RFX4: variants seen among roughly 807,000 people sequenced by gnomAD.
RFX4 encodes transcription factor RFX4.
In RFX4, 10 loss-of-function variants were observed where a neutral mutation model predicts 95.0. That is an observed-to-expected ratio of 0.11 (90% CI 0.06 to 0.18). The LOEUF is 0.18. Among genes scored for constraint, RFX4 ranks in the 10% least tolerant of loss-of-function variants. The probability of loss-of-function intolerance (pLI) is 1.00; values close to 1 mark genes in which losing one functional copy is unlikely to be tolerated. For synonymous variants in RFX4, 321 were observed against 340.7 expected (o/e 0.94, Z 0.64); for missense variants, 640 against 922.0 (o/e 0.69, Z 3.96).
intron 15 of RFX4, among the ~76,000 whole-genome samples, chr12:106,735,215 C>T (rs554023752): frequency 4.0e-5 from 6 of 151,862 alleles, no homozygotes; most frequent in African/African-American, 7.2e-5. Context: ...ATCAGTAAAC[C>T]GAAAGACTGA....
chr12:106,614,549 C>T (rs1055227248), intron 2 of RFX4, among the ~76,000 whole-genome samples: 1 of 149,458 alleles, frequency 6.7e-6, no homozygotes, highest in African/African-American at 2.5e-5. Context: ...CGCTCTATTG[C>T]CCAGGCTGGA....
At chr12:106,754,881 C>G (rs746273476) in intron 17 of RFX4, among the ~76,000 whole-genome samples, 17 of 152,316 alleles carry the variant, frequency 1.1e-4, no homozygotes, top group South Asian at 4.1e-4. Flanking sequence ...TGGTTTATGC[C>G]TTAGTCTCCA....
intron 1 of RFX4, among the ~76,000 whole-genome samples, chr12:106,584,063 T>A (rs2039415973): frequency 1.3e-5 from 2 of 152,190 alleles, no homozygotes; most frequent in African/African-American, 4.8e-5. Context: ...ACTGGCCCGC[T>A]AAACTCGGCG....
At chr12:106,590,257 T>G (rs2137165290) in intron 1 of RFX4, among the ~76,000 whole-genome samples, 1 of 152,368 alleles carries the variant, frequency 6.6e-6, no homozygotes, top group East Asian at 1.9e-4. Context: ...CTGATACAGC[T>G]GTAGTGAATA....
intron 7 of RFX4, among the ~76,000 whole-genome samples, chr12:106,689,900 T>C (rs924855558): frequency 2.6e-5 from 4 of 151,992 alleles, no homozygotes; most frequent in African/African-American, 9.7e-5. Flanking sequence ...TTTTAAAATA[T>C]TGTAGTTAAA....
At chr12:106,583,505 G>A (rs2039403959) in intron 1 of RFX4, 142 bp downstream of exon 1, 1 of 711,600 alleles carries the variant, frequency 1.4e-6, no homozygotes, top group African/African-American at 1.9e-5. Flanking sequence ...GCTTGCAGAA[G>A]TTTTCAATTC....
chr12:106,637,634 G>C lies in RFX4; in HGVS notation c.131-1698G>C, dbSNP rs73389498. ...TCTTGGGCCAAATTTTGTGGGTCAG[G>C]GAATTTTATGTTGACTGTTCCTATC... is the stretch of plus-strand genomic sequence containing the variant. On this transcript the variant is annotated intron_variant, in intron 2 of 17. Transcript: ENST00000392842. Among the ~76,000 whole-genome samples the C allele has an allele frequency of 2.0e-5, 3 of 151,786 alleles. No individual in the cohort carries two copies. The East Asian group carries it at 5.8e-4, about 29-fold the overall frequency.
chr12:106,607,077 G>C (rs1346858054), intron 1 of RFX4, among the ~76,000 whole-genome samples: 1 of 152,122 alleles, frequency 6.6e-6, no homozygotes, highest in Non-Finnish European at 1.5e-5. Flanking sequence ...TGTTCAAATA[G>C]GTGTTCAATA....
intron 17 of RFX4, among the ~76,000 whole-genome samples, chr12:106,755,693 C>T (rs2043095994): frequency 6.6e-6 from 1 of 152,186 alleles, no homozygotes; most frequent in African/African-American, 2.4e-5. Flanking sequence ...AAATCCACTG[C>T]AGGGCTAATT....
intron 1 of RFX4, among the ~76,000 whole-genome samples, chr12:106,607,323 G>T (rs2039857207): frequency 6.6e-6 from 1 of 152,156 alleles, no homozygotes; most frequent in African/African-American, 2.4e-5. Context: ...TAATAAAAAT[G>T]ATATCACAGT....
chr12:106,610,121 A>G (rs2039927859), intron 2 of RFX4, among the ~76,000 whole-genome samples: 1 of 151,992 alleles, frequency 6.6e-6, no homozygotes, highest in Non-Finnish European at 1.5e-5. Flanking sequence ...TTAAGAATAA[A>G]ACACTACTCG....
intron 16 of RFX4, among the ~76,000 whole-genome samples, chr12:106,748,737 T>A (rs573216881): frequency 6.6e-6 from 1 of 151,650 alleles, no homozygotes; most frequent in East Asian, 1.9e-4. Context: ...TCACTTGTGG[T>A]CAGGAGTTCG....
intron 15 of RFX4, among the ~76,000 whole-genome samples, chr12:106,738,168 T>C (rs759987688): frequency 3.9e-5 from 6 of 152,144 alleles, no homozygotes; most frequent in Admixed American, 6.6e-5. Context: ...TGCCCAAATA[T>C]CCCTGTCATC....
At chr12:106,601,331 C>A (rs138167459) in intron 1 of RFX4, 1 of 1,586,764 alleles carries the variant, frequency 6.3e-7, no homozygotes, top group Non-Finnish European at 8.6e-7. Context: ...CAGGCCTCGA[C>A]GGCGCCGTTC....
intron 2 of RFX4, among the ~76,000 whole-genome samples, chr12:106,631,466 A>T (rs1357493017): frequency 6.6e-6 from 1 of 151,958 alleles, no homozygotes; most frequent in African/African-American, 2.4e-5. Flanking sequence ...TGAAACTCTA[A>T]CCCCCTATGT....
intron 11 of RFX4, among the ~76,000 whole-genome samples, chr12:106,718,927 A>G (rs994619478): frequency 3.3e-5 from 5 of 149,658 alleles, no homozygotes; most frequent in Admixed American, 6.7e-5. Context: ...TGGCTAACAC[A>G]GTGAAACCCC....
At chr12:106,590,371 CTATTAAGAAGAAACTGTAAT>C (rs1206177703) in intron 1 of RFX4, among the ~76,000 whole-genome samples, 1 of 152,174 alleles carries the variant, frequency 6.6e-6, no homozygotes, top group South Asian at 2.1e-4. Flanking sequence ...CACAACAATC[CTATTAAGAAGAAACTGTAAT>C]TATTAAGAAG....
intron 2 of RFX4, among the ~76,000 whole-genome samples, chr12:106,624,746 A>G (rs1398494251): frequency 6.6e-6 from 1 of 152,214 alleles, no homozygotes; most frequent in African/African-American, 2.4e-5. Flanking sequence ...CTCTATGCAG[A>G]AAAAGCTTAC....
At chr12:106,598,037 T>A (rs1222246901) in intron 1 of RFX4, among the ~76,000 whole-genome samples, 2 of 152,228 alleles carry the variant, frequency 1.3e-5, no homozygotes, top group African/African-American at 4.8e-5. Flanking sequence ...CTCACACTAT[T>A]AAGATGAGGT....
Sources: allele counts gnomAD v4.1 joint callset (sites outside exome capture counted in the v4.1 genomes callset), GRCh38; gene constraint gnomAD v4.1.1; transcripts MANE v1.5; gene names NCBI Gene and HGNC (gene_info 2026-07-23, HGNC 2026-07-21).